KCNQ4: variants seen among roughly 807,000 people sequenced by gnomAD.
KCNQ4 encodes potassium voltage-gated channel subfamily Q member 4.
Under a neutral mutation model 72.6 loss-of-function variants are expected in KCNQ4, and 31 were observed. The ratio of observed to expected loss-of-function variants is 0.43; its 90% CI spans 0.32 to 0.58. The LOEUF (loss-of-function observed/expected upper bound fraction) is 0.58, where lower values mean the gene tolerates loss of function less well. KCNQ4 is among the 20% of genes least tolerant of loss of function. KCNQ4 has a pLI of 0.08. For missense variants in KCNQ4, 869 were observed against 962.6 expected (o/e 0.90, Z 1.29); for synonymous variants, 405 against 403.7 (o/e 1.00, Z -0.04).
intron 10 of KCNQ4, 43 bp from the exon 11 acceptor site, chr1:40,832,971 T>A: frequency 7.0e-7 from 1 of 1,429,302 alleles, no homozygotes; most frequent in Non-Finnish European, 9.9e-7. Context: ...AGGTTGGGAG[T>A]GGCCCCTTTG....
chr1:40,791,465 T>C lies in KCNQ4; in HGVS notation c.314+7058T>C, dbSNP rs568784727. Among the ~76,000 whole-genome samples the C allele has an allele frequency of 1.8e-4, 28 of 152,268 alleles. No homozygotes were observed. In the East Asian group the frequency reaches 4.8e-3, roughly 26 times the overall value. ...AGGGTGCTGAGCCGACCTCAGTGGC[T>C]ACACAGAGCCCCCAGGACTTCAGGT... On this transcript the variant is annotated intron_variant, in intron 1 of 13. Coordinates refer to ENST00000347132, the MANE Select transcript of KCNQ4 (RefSeq NM_004700.4).
Position 40,784,296 on chromosome 1 carries a change from C to T in KCNQ4, c.203C>T (p.Ala68Val). 2 of 1,590,126 alleles carry T rather than the reference C, an allele frequency of 1.3e-6. No homozygotes were observed. The highest frequency in any genetic ancestry group is 8.5e-7 in the Non-Finnish European group (1 of 1,172,456). The change falls in exon 1 of 14, where the codon GCC (alanine) becomes GTC (valine). Residue 68 changes from alanine (A) to valine (V), a missense_variant. Coordinates refer to ENST00000347132, the MANE Select transcript of KCNQ4 (RefSeq NM_004700.4). This position sits in a 1 kb window ranked among gnomAD's most constrained non-coding sequence, Gnocchi z 4.1. Reference sequence around the variant, plus strand: ...GGGCCGGGCTCCGGCTCGGGCTCCGCCTGCGGCCAGCGCTCCTCGGCCGCG... The same window carrying T: ...GGGCCGGGCTCCGGCTCGGGCTCCGTCTGCGGCCAGCGCTCCTCGGCCGCG... ...LPGPGSGSGSACGQRSSAAHK... is the reference protein window; with the variant it reads ...LPGPGSGSGSVCGQRSSAAHK...
intron 1 of KCNQ4, among the ~76,000 whole-genome samples, chr1:40,802,125 C>T (rs1647591940): frequency 6.6e-6 from 1 of 152,148 alleles, no homozygotes; most frequent in Admixed American, 6.5e-5. Context: ...GTCGGTGTGT[C>T]TTCTCTCCCC....
At chr1:40,827,047 T>C (rs954187929) in intron 9 of KCNQ4, among the ~76,000 whole-genome samples, 1 of 152,188 alleles carries the variant, frequency 6.6e-6, no homozygotes, top group Non-Finnish European at 1.5e-5. Context: ...ACTCTGACTT[T>C]TGCCAGGCCT....
chr1:40,804,116 G>T (rs977087434), intron 1 of KCNQ4, among the ~76,000 whole-genome samples: 1 of 152,172 alleles, frequency 6.6e-6, no homozygotes, highest in African/African-American at 2.4e-5. Context: ...AGGACAGAAG[G>T]CTCCTTTGAG....
intron 5 of KCNQ4, 113 bp downstream of exon 5, chr1:40,819,585 C>A: frequency 7.0e-7 from 1 of 1,425,816 alleles, no homozygotes; most frequent in Non-Finnish European, 9.7e-7. Flanking sequence ...TGCCCCTGCC[C>A]TCTCACTAGA....
At chr1:40,836,678 T>A (rs1376000717) in intron 12 of KCNQ4, among the ~76,000 whole-genome samples, 1 of 151,966 alleles carries the variant, frequency 6.6e-6, no homozygotes, top group Non-Finnish European at 1.5e-5. Context: ...GTCAGGGAAG[T>A]AGGAAAAGAA....
intron 1 of KCNQ4, among the ~76,000 whole-genome samples, chr1:40,804,152 A>G (rs985907021): frequency 2.0e-5 from 3 of 152,222 alleles, no homozygotes; most frequent in East Asian, 1.9e-4. Flanking sequence ...GCCAGGTTCA[A>G]GTAGCTGGGA....
At chr1:40,802,874 G>C (rs1182880683) in intron 1 of KCNQ4, among the ~76,000 whole-genome samples, 1 of 152,214 alleles carries the variant, frequency 6.6e-6, no homozygotes, top group Non-Finnish European at 1.5e-5. Flanking sequence ...AGTCCTGAGA[G>C]GGACAGTTAA....
intron 10 of KCNQ4, among the ~76,000 whole-genome samples, 157 bp from the exon 11 acceptor site, chr1:40,832,857 G>C (rs971949503): frequency 1.6e-5 from 2 of 122,714 alleles, no homozygotes; most frequent in Non-Finnish European, 3.4e-5. Context: ...CCCTGGGGAG[G>C]GCAGTGAGAC....
At chr1:40,837,026 G>A (rs988446319) in intron 12 of KCNQ4, among the ~76,000 whole-genome samples, 10 of 151,634 alleles carry the variant, frequency 6.6e-5, no homozygotes, top group African/African-American at 1.7e-4. Context: ...ACATTCCCAC[G>A]TGTCTCCACT....
chr1:40,802,558 A>G (rs1647615758), intron 1 of KCNQ4, among the ~76,000 whole-genome samples: 2 of 151,258 alleles, frequency 1.3e-5, no homozygotes, highest in South Asian at 4.2e-4. Flanking sequence ...CATTTCCGTA[A>G]GCCCCGCCCT....
At chr1:40,837,098 T>TTTTC in intron 12 of KCNQ4, among the ~76,000 whole-genome samples, 1 of 150,946 alleles carries the variant, frequency 6.6e-6, no homozygotes, top group African/African-American at 2.4e-5. Flanking sequence ...TTTCTTTTTT[T>TTTTC]TTTTTTTGAG....
At chr1:40,836,778 AATG>A (rs1232161728) in intron 12 of KCNQ4, among the ~76,000 whole-genome samples, 5 of 152,138 alleles carry the variant, frequency 3.3e-5, no homozygotes, top group Admixed American at 6.5e-5. Context: ...AGTCAAGTAA[AATG>A]AGGACAGGAG....
chr1:40,789,514 C>G (rs530236725), intron 1 of KCNQ4, among the ~76,000 whole-genome samples: 1 of 152,194 alleles, frequency 6.6e-6, no homozygotes, highest in Non-Finnish European at 1.5e-5. Context: ...GCTGGGGAGA[C>G]CATCCTGTTC....
intron 1 of KCNQ4, chr1:40,805,107 A>G (rs895286083): frequency 2.0e-5 from 3 of 152,118 alleles, no homozygotes; most frequent in Admixed American, 6.5e-5. Context: ...AGCCACTACA[A>G]TCCAGCCTGG....
intron 1 of KCNQ4, among the ~76,000 whole-genome samples, chr1:40,785,393 C>G (rs1647192722): frequency 6.6e-6 from 1 of 152,172 alleles, no homozygotes; most frequent in Non-Finnish European, 1.5e-5. Flanking sequence ...CCTCTGGTCC[C>G]TGGAAAATGT....
intron 5 of KCNQ4, 51 bp from the exon 6 acceptor site, chr1:40,819,824 C>A (rs367649317): frequency 7.7e-6 from 11 of 1,420,948 alleles, no homozygotes; most frequent in Non-Finnish European, 1.1e-5. Flanking sequence ...CCCAACAAGC[C>A]GTAGGTGGCC....
Position 40,817,218 on chromosome 1 carries a change from C to G in KCNQ4, c.315-47C>G, listed in dbSNP as rs372727966. The G allele has an allele frequency of 3.9e-6, 6 of 1,522,334 alleles. No homozygotes were observed. In the African/African-American group the frequency reaches 6.8e-5, roughly 17 times the overall value. The allele number at this position is 1,522,334 out of a possible 1,614,324, so 94.3% of individuals were successfully genotyped here. A position where few individuals can be genotyped will look rare whatever the true frequency, so the allele number is the denominator to read the frequency against. ...CCCCTGCCAGGGGCACCTTGGCTGT[C>G]CTGTCCCTCCAACAATCTAACCCTC... On this transcript the variant is annotated intron_variant, in intron 1 of 13. Transcript: ENST00000347132. This position sits in a 1 kb window ranked among gnomAD's most constrained non-coding sequence, Gnocchi z 5.5.
Sources: allele counts gnomAD v4.1 joint callset (sites outside exome capture counted in the v4.1 genomes callset), GRCh38; gene constraint gnomAD v4.1.1; non-coding constraint Gnocchi (gnomAD v3.1); transcripts MANE v1.5; gene names NCBI Gene and HGNC (gene_info 2026-07-23, HGNC 2026-07-21).